The following DHCR7 variants were observed in gnomAD, a reference collection of about 807,000 sequenced individuals.
DHCR7 encodes 7-dehydrocholesterol reductase.
DHCR7 carries 40 observed loss-of-function variants against 43.3 expected under a neutral mutation model. That is an observed-to-expected ratio of 0.92 (90% CI 0.72 to 1.20). The LOEUF (loss-of-function observed/expected upper bound fraction) is 1.20. DHCR7 is among the 50% of genes most tolerant of loss of function. The pLI is 0.00. For synonymous variants in DHCR7, 298 were observed against 271.4 expected (o/e 1.10, Z -0.96); for missense variants, 608 against 644.6 (o/e 0.94, Z 0.62).
chr11:71,439,137 G>A, intron 6 of DHCR7, 54 bp from the exon 7 acceptor site: 1 of 1,539,238 alleles, frequency 6.5e-7, no homozygotes, highest in Non-Finnish European at 8.9e-7. Flanking sequence ...CTCACAAGAT[G>A]AAGCCACCTT....
chr11:71,442,864 G>A (rs1322365090), intron 4 of DHCR7, among the ~76,000 whole-genome samples: 8 of 152,178 alleles, frequency 5.3e-5, no homozygotes, highest in African/African-American at 1.7e-4. Flanking sequence ...GGCATTTAGC[G>A]CATTTACATG....
chr11:71,439,213 C>A, intron 6 of DHCR7, 130 bp from the exon 7 acceptor site: 1 of 881,942 alleles, frequency 1.1e-6, no homozygotes, highest in South Asian at 1.5e-5. Flanking sequence ...CAGGCAGAAG[C>A]TGGCCATGAG....
At position 71,438,806 on chromosome 11, in the gene DHCR7, T is replaced by C. The variant is rs968616127; in HGVS notation, c.831+73A>G. On this transcript the variant is annotated intron_variant, in intron 7 of 8. Transcript: ENST00000355527. ...AAGCAGTAGATTAAGGTCATGGGAA[T>C]ACGCTCTGGCTTGCGGGTTCCCCCA... 8.8e-6 allele frequency: 13 copies of C among 1,475,542 alleles called. No homozygotes were observed. In the African/African-American group the frequency reaches 1.3e-4, roughly 14 times the overall value. The allele number at this position is 1,475,542 out of a possible 1,614,324, so 91.4% of individuals were successfully genotyped here.
At chr11:71,430,306 A>T (rs1410353545), downstream of DHCR7, among the ~76,000 whole-genome samples, 2 of 152,198 alleles carry the variant, frequency 1.3e-5, no homozygotes, top group South Asian at 4.1e-4. Context: ...ACTGTGCTCA[A>T]CCCCTTGTGG....
downstream of DHCR7, among the ~76,000 whole-genome samples, chr11:71,427,466 T>TAG (rs1565581809): frequency 6.6e-6 from 1 of 152,182 alleles, no homozygotes. Flanking sequence ...TTTGCAAGAA[T>TAG]AGAAATAAAA....
chr11:71,439,575 A>G (rs1287936997), intron 6 of DHCR7, among the ~76,000 whole-genome samples: 1 of 152,156 alleles, frequency 6.6e-6, no homozygotes, highest in Non-Finnish European at 1.5e-5. Context: ...TGACAAACGC[A>G]CCCTGGGCCC....
At chr11:71,438,742 C>T in intron 7 of DHCR7, 137 bp downstream of exon 7, 1 of 930,346 alleles carries the variant, frequency 1.1e-6, no homozygotes, top group Non-Finnish European at 1.7e-6. Flanking sequence ...CCGGCTGCTT[C>T]CTGGTGACAC....
intron 6 of DHCR7, among the ~76,000 whole-genome samples, chr11:71,439,392 G>A (rs964476535): frequency 2.8e-4 from 43 of 152,186 alleles, no homozygotes; most frequent in African/African-American, 1.0e-3. Flanking sequence ...TGGTACCTGG[G>A]TTTCTCTCTA....
chr11:71,445,008 A>T, intron 2 of DHCR7, 50 bp from the exon 3 acceptor site: 1 of 1,525,974 alleles, frequency 6.6e-7, no homozygotes, highest in South Asian at 1.1e-5. Context: ...AACAGACACC[A>T]CCTTTCCCTG....
chr11:71,434,967 C>A lies in DHCR7; in HGVS notation c.*408G>T. The A allele has an allele frequency of 2.6e-6, 1 of 390,712 alleles. No individual in the cohort carries two copies. The highest frequency in any genetic ancestry group is 5.1e-6 in the Non-Finnish European group (1 of 197,750). 24.2% of individuals were successfully genotyped at this position (390,712 alleles called of 1,614,324 possible). ...CATGGATAACGCGCACGCCCCACTCCCACTTTTATTTAGCAAGAGTAAATG... is the reference window on the plus strand; with the variant it reads ...CATGGATAACGCGCACGCCCCACTCACACTTTTATTTAGCAAGAGTAAATG... On this transcript the variant is annotated 3_prime_UTR_variant, in exon 9 of 9. Transcript: ENST00000355527.
downstream of DHCR7, among the ~76,000 whole-genome samples, chr11:71,431,156 AAAAC>A (rs1188198906): frequency 2.6e-5 from 4 of 152,364 alleles, no homozygotes; most frequent in South Asian, 2.1e-4. Flanking sequence ...CTCTGTCTCC[AAAAC>A]AAACAAACAA....
At position 71,441,280 on chromosome 11, in the gene DHCR7, G is replaced by A; in HGVS notation, c.573C>T (p.Val191=). The A allele has an allele frequency of 6.2e-7, 1 of 1,614,232 alleles. No homozygotes were observed. Among genetic ancestry groups the A allele is most frequent in the Non-Finnish European group, 8.5e-7 (1 of 1,180,040 alleles). Residue 191 remains valine, a synonymous_variant, in exon 6 of 9, where the codon GTC becomes GTT. Transcript: ENST00000355527. The part of the protein sequence containing the change: ...LWCANILGYA[V]STFAMVKGYF... Reference sequence around the variant, plus strand: ...AGCCCTTGACCATGGCGAAGGTGGAGACGGCATAGCCAAGGATGTTGGCGC... The same window carrying A: ...AGCCCTTGACCATGGCGAAGGTGGAAACGGCATAGCCAAGGATGTTGGCGC...
intron 6 of DHCR7, 29 bp downstream of exon 6, chr11:71,441,198 T>G: frequency 6.2e-7 from 1 of 1,609,992 alleles, no homozygotes; most frequent in Non-Finnish European, 8.5e-7. Flanking sequence ...ACTTTCTACA[T>G]CAGGCTGGAC....
At chr11:71,441,148 C>T in intron 6 of DHCR7, 79 bp downstream of exon 6, 1 of 1,380,336 alleles carries the variant, frequency 7.2e-7, no homozygotes, top group Non-Finnish European at 1.0e-6. Flanking sequence ...TTTACAACCA[C>T]CTGCCCCAGG....
rs1292543464 is a variant in DHCR7, at chr11:71,444,012, G to A, written c.302C>T (p.Thr101Ile). The part of the protein sequence containing the change: ...PITRKAAQLY[T>I]LWVTFQVLLY... ...GCTGACCTGGAAGGTGACCCACAAG[G>A]TATAGAGCTGGGCGGCTTTCCTCGT... Residue 101 changes from threonine (T) to isoleucine (I), a missense_variant, in exon 4 of 9, where the codon ACC (threonine) becomes ATC (isoleucine). By Grantham distance (89) the Thr-to-Ile change is moderately conservative. Coordinates refer to ENST00000355527, the MANE Select transcript of DHCR7 (RefSeq NM_001360.3). 3.1e-6 allele frequency: 5 copies of A among 1,612,650 alleles called. No individual in the cohort carries two copies. The highest frequency in any genetic ancestry group is 4.2e-6 in the Non-Finnish European group (5 of 1,179,358).
In DHCR7 at chr11:71,435,240, C is replaced by T; in HGVS notation, c.*135G>A. On this transcript the variant is annotated 3_prime_UTR_variant, in exon 9 of 9. Transcript: ENST00000355527. ...AGCGTGATTAGGTACTGGACACCTGCCAAGTGCTGGGCTCTCTCCAGTTTA... is the reference window on the plus strand; with the variant it reads ...AGCGTGATTAGGTACTGGACACCTGTCAAGTGCTGGGCTCTCTCCAGTTTA... The T allele has an allele frequency of 1.1e-6, 1 of 932,870 alleles. No homozygotes were observed. The allele number at this position is 932,870 out of a possible 1,614,324, so 57.8% of individuals were successfully genotyped here. A position where few individuals can be genotyped will look rare whatever the true frequency, so the allele number is the denominator to read the frequency against.
At chr11:71,443,353 C>G (rs1201431607) in intron 4 of DHCR7, among the ~76,000 whole-genome samples, 1 of 152,204 alleles carries the variant, frequency 6.6e-6, no homozygotes, top group Non-Finnish European at 1.5e-5. Context: ...TGATCTGAGC[C>G]TTCCTCCCGC....
intron 2 of DHCR7, chr11:71,429,001 A>G: frequency 2.8e-6 from 1 of 361,952 alleles, no homozygotes; most frequent in South Asian, 2.1e-5. Flanking sequence ...CAGGGGTAGG[A>G]AGAAGTGAGC....
chr11:71,441,169 G>A, intron 6 of DHCR7, 58 bp downstream of exon 6: 1 of 1,527,542 alleles, frequency 6.5e-7, no homozygotes, highest in Middle Eastern at 1.8e-4. Flanking sequence ...CAGCAAGAAA[G>A]GCCAGGGGTG....
Sources: gnomAD v4.1 joint callset for allele counts (sites outside exome capture counted in the v4.1 genomes callset) on GRCh38, gnomAD v4.1.1 for gene constraint, MANE v1.5 for transcripts, NCBI Gene and HGNC (gene_info 2026-07-23, HGNC 2026-07-21) for gene names.